RC3H2: variants seen among roughly 807,000 people sequenced by gnomAD.
RC3H2 encodes roquin-2.
In RC3H2, 31 loss-of-function variants were observed where a neutral mutation model predicts 133.3. The ratio of observed to expected loss-of-function variants is 0.23; its 90% CI spans 0.17 to 0.31. RC3H2 has a LOEUF of 0.31. Among genes scored for constraint, RC3H2 ranks in the 10% least tolerant of loss-of-function variants. The probability of loss-of-function intolerance (pLI) is 1.00; values close to 1 mark genes in which losing one functional copy is unlikely to be tolerated. For missense variants in RC3H2, 1,175 were observed against 1,437.2 expected (o/e 0.82, Z 2.95); for synonymous variants, 517 against 502.2 (o/e 1.03, Z -0.40).
Position 122,905,355 on chromosome 9 carries a change from G to A in RC3H2, c.-313C>T, listed in dbSNP as rs1244395827. ...TCCTCACCACGGAGGCGGACCTGGA[G>A]GGATCCCGATCTAGCTCTCGCGAGA... On this transcript the variant is annotated 5_prime_UTR_variant, in exon 1 of 21. Transcript: ENST00000357244. The A allele has an allele frequency of 3.2e-6, 3 of 934,076 alleles. No individual in the cohort carries two copies. The highest frequency in any genetic ancestry group is 1.2e-4 in the East Asian group (1 of 8,488). The allele number at this position is 934,076 out of a possible 1,614,324, so 57.9% of individuals were successfully genotyped here. A position where few individuals can be genotyped will look rare whatever the true frequency, so the allele number is the denominator to read the frequency against.
intron 9 of RC3H2, among the ~76,000 whole-genome samples, chr9:122,871,087 A>G (rs1029437364): frequency 6.6e-6 from 1 of 152,152 alleles, no homozygotes; most frequent in African/African-American, 2.4e-5. Context: ...AGAATAATTT[A>G]TCTTTCCGCT....
chr9:122,883,432 C>A, intron 4 of RC3H2, 53 bp from the exon 5 acceptor site: 1 of 1,420,850 alleles, frequency 7.0e-7, no homozygotes, highest in African/African-American at 1.4e-5. Flanking sequence ...CCCATCAGAT[C>A]ATGTGTGTCA....
In RC3H2 at chr9:122,854,528, T is replaced by A. The variant is rs1434585965; in HGVS notation, c.2900+3A>T. ...AATCATATAGAATTAAGAAGAACGT[T>A]ACCTTTCAACATAGTGTGCTGATGA... On this transcript the variant is annotated splice_donor_region_variant and intron_variant, in intron 16 of 20. Coordinates refer to ENST00000357244, the MANE Select transcript of RC3H2 (RefSeq NM_001100588.3). 1 of 1,605,944 alleles carries A rather than the reference T, an allele frequency of 6.2e-7. No homozygotes were observed. Among genetic ancestry groups the A allele is most frequent in the Non-Finnish European group, 8.5e-7 (1 of 1,172,546 alleles).
intron 11 of RC3H2, 62 bp downstream of exon 11, chr9:122,859,851 TATTC>T (rs1451369783): frequency 8.7e-6 from 11 of 1,264,716 alleles, no homozygotes; most frequent in South Asian, 2.5e-5. Context: ...ATTCTAGAAC[TATTC>T]ATTCATTTAT....
At chr9:122,855,020 C>G (rs1313080689) in intron 15 of RC3H2, among the ~76,000 whole-genome samples, 164 bp downstream of exon 15, 1 of 151,334 alleles carries the variant, frequency 6.6e-6, no homozygotes, top group African/African-American at 2.4e-5. Context: ...GAGGCTGAGG[C>G]AGGAGAATCG....
intron 1 of RC3H2, among the ~76,000 whole-genome samples, chr9:122,899,090 G>GTT (rs1183512993): frequency 4.5e-5 from 4 of 88,410 alleles, no homozygotes; most frequent in African/African-American, 1.9e-4. Context: ...CCTTTATTGT[G>GTT]TTTTTTTTTT....
At chr9:122,871,444 C>T (rs1688303557) in intron 9 of RC3H2, among the ~76,000 whole-genome samples, 1 of 151,858 alleles carries the variant, frequency 6.6e-6, no homozygotes, top group Non-Finnish European at 1.5e-5. Context: ...ACTACAGTTG[C>T]CCACCACCAG....
At position 122,893,113 on chromosome 9, in the gene RC3H2, T is replaced by A. The variant is rs1049634967; in HGVS notation, c.232-87A>T. ...TTTATGTACTTGATAATAATCTTGG[T>A]GAGTATAAAATTATCATGCATAGAT... On this transcript the variant is annotated intron_variant, in intron 2 of 20. Coordinates refer to ENST00000357244, the MANE Select transcript of RC3H2 (RefSeq NM_001100588.3). 21 of 1,497,102 alleles carry A rather than the reference T, an allele frequency of 1.4e-5. No individual in the cohort carries two copies. The African/African-American group carries it at 2.8e-4, about 20-fold the overall frequency. The allele number at this position is 1,497,102 out of a possible 1,614,324, so 92.7% of individuals were successfully genotyped here.
At chr9:122,856,341 T>C (rs1449246694) in intron 13 of RC3H2, among the ~76,000 whole-genome samples, 1 of 152,230 alleles carries the variant, frequency 6.6e-6, no homozygotes, top group Non-Finnish European at 1.5e-5. Flanking sequence ...CAGCCTCGAC[T>C]TCCCAGGCTC....
At chr9:122,902,714 T>C (rs1056709640) in intron 1 of RC3H2, among the ~76,000 whole-genome samples, 6 of 151,976 alleles carry the variant, frequency 3.9e-5, no homozygotes, top group Admixed American at 6.6e-5. Context: ...TAGCCTGGTG[T>C]AGTGGTGCCT....
At chr9:122,902,821 A>C (rs1200509818) in intron 1 of RC3H2, among the ~76,000 whole-genome samples, 1 of 151,178 alleles carries the variant, frequency 6.6e-6, no homozygotes, top group Non-Finnish European at 1.5e-5. Flanking sequence ...ACTGCACTCC[A>C]GCATGGGTGA....
chr9:122,854,679 T>A (rs1046704032), intron 15 of RC3H2, 64 bp from the exon 16 acceptor site: 32 of 1,030,242 alleles, frequency 3.1e-5, no homozygotes, highest in Non-Finnish European at 1.5e-6. Flanking sequence ...GAGGTGAATG[T>A]ATACTTCTCA....
chr9:122,877,643 T>G (rs1831399106), intron 8 of RC3H2, 60 bp from the exon 9 acceptor site: 1 of 1,284,894 alleles, frequency 7.8e-7, no homozygotes, highest in South Asian at 1.2e-5. Context: ...TGTTATTCAC[T>G]CTAGGAAGTT....
intron 9 of RC3H2, among the ~76,000 whole-genome samples, chr9:122,875,573 T>C (rs1293955804): frequency 6.6e-6 from 1 of 152,148 alleles, no homozygotes; most frequent in South Asian, 2.1e-4. Flanking sequence ...CATAAAGAAG[T>C]TTGTCAAGCT....
At chr9:122,898,687 T>G (rs1330298254) in intron 1 of RC3H2, among the ~76,000 whole-genome samples, 1 of 149,388 alleles carries the variant, frequency 6.7e-6, no homozygotes, top group Non-Finnish European at 1.5e-5. Flanking sequence ...AGGCGGAGAT[T>G]GCAGTGAGCC....
chr9:122,875,791 A>G (rs926855315), intron 9 of RC3H2, among the ~76,000 whole-genome samples: 3 of 152,220 alleles, frequency 2.0e-5, no homozygotes, highest in Non-Finnish European at 4.4e-5. Context: ...AGAGAAGGTC[A>G]GTGTGGCTTG....
intron 9 of RC3H2, among the ~76,000 whole-genome samples, chr9:122,868,604 C>T (rs867806486): frequency 5.1e-4 from 77 of 152,098 alleles, no homozygotes; most frequent in African/African-American, 1.6e-3. Flanking sequence ...ACAAACGCTG[C>T]GGAAGGCCGC....
At chr9:122,869,098 G>A (rs1002579837) in intron 9 of RC3H2, among the ~76,000 whole-genome samples, 1 of 151,868 alleles carries the variant, frequency 6.6e-6, no homozygotes, top group African/African-American at 2.4e-5. Context: ...TAGAGATGGG[G>A]TTTTGCCATG....
intron 9 of RC3H2, among the ~76,000 whole-genome samples, chr9:122,872,576 A>G (rs189562682): frequency 2.6e-5 from 4 of 152,264 alleles, no homozygotes; most frequent in Non-Finnish European, 5.9e-5. Flanking sequence ...TTGAATAGTA[A>G]CCAGTATATA....
Sources: allele counts gnomAD v4.1 joint callset (sites outside exome capture counted in the v4.1 genomes callset), GRCh38; gene constraint gnomAD v4.1.1; transcripts MANE v1.5; gene names NCBI Gene and HGNC (gene_info 2026-07-23, HGNC 2026-07-21).